The following TGFBI variants were observed in gnomAD, a reference collection of about 807,000 sequenced individuals.
TGFBI encodes the protein transforming growth factor-beta-induced protein ig-h3.
In TGFBI, 50 loss-of-function variants were observed where a neutral mutation model predicts 73.7. The ratio of observed to expected loss-of-function variants is 0.68; its 90% confidence interval spans 0.54 to 0.86. TGFBI has a LOEUF of 0.86. TGFBI is among the 40% of genes least tolerant of loss of function. The probability of loss-of-function intolerance (pLI) is 0.00; values close to 1 mark genes in which losing one functional copy is unlikely to be tolerated. For synonymous variants in TGFBI, 362 were observed against 360.5 expected (o/e 1.00, Z -0.05); for missense variants, 839 against 877.0 (o/e 0.96, Z 0.55).
chr5:136,036,652 G>T (rs919263202), intron 2 of TGFBI, among the ~76,000 whole-genome samples: 2 of 152,214 alleles, frequency 1.3e-5, no homozygotes, highest in African/African-American at 4.8e-5. Context: ...GTGGGAAGGG[G>T]AGAGGACTGT....
intron 5 of TGFBI, 42 bp from the exon 6 acceptor site, chr5:136,047,232 T>C: frequency 6.2e-7 from 1 of 1,609,360 alleles, no homozygotes; most frequent in Non-Finnish European, 8.5e-7. Context: ...GGACTATGCC[T>C]CTGTTGTGTT....
intron 7 of TGFBI, among the ~76,000 whole-genome samples, chr5:136,049,959 G>A (rs1489244630): frequency 1.3e-5 from 2 of 152,232 alleles, no homozygotes; most frequent in African/African-American, 2.4e-5. Flanking sequence ...TGGCACCCTT[G>A]AAATGGATTC....
At chr5:136,030,388 C>T (rs944227287) in intron 1 of TGFBI, among the ~76,000 whole-genome samples, 4 of 152,182 alleles carry the variant, frequency 2.6e-5, no homozygotes, top group East Asian at 1.9e-4. Context: ...CATAGTTGCT[C>T]TTGTTTCCTC....
At chr5:136,047,225 C>A in intron 5 of TGFBI, 49 bp from the exon 6 acceptor site, 1 of 1,605,104 alleles carries the variant, frequency 6.2e-7, no homozygotes, top group Non-Finnish European at 8.5e-7. Flanking sequence ...GGCTTTGGGA[C>A]TATGCCTCTG....
intron 5 of TGFBI, 129 bp from the exon 6 acceptor site, chr5:136,047,145 C>T: frequency 6.6e-7 from 1 of 1,517,618 alleles, no homozygotes; most frequent in South Asian, 1.2e-5. Flanking sequence ...TCTCCTTGGG[C>T]CCTCTATTCC....
In TGFBI at chr5:136,056,759, C is replaced by G; in HGVS notation, c.1642C>G (p.Arg548Gly). ...TVFAPTNEAF[R>G]ALPPRERSRL... ...CTTTGCTCCCACAAATGAAGCCTTC[C>G]GAGCCCTGCCACCAAGAGAACGGAG... is the stretch of plus-strand genomic sequence containing the variant. Residue 548 changes from arginine (R) to glycine (G), a missense_variant, in exon 12 of 17, where the codon CGA (arginine) becomes GGA (glycine). By Grantham distance (125) the Arg-to-Gly change is moderately radical (BLOSUM62 -2). Coordinates refer to ENST00000442011, the MANE Select transcript of TGFBI (RefSeq NM_000358.3). The G allele has an allele frequency of 6.2e-7, 1 of 1,613,860 alleles. No homozygotes were observed. The highest frequency in any genetic ancestry group is 8.5e-7 in the Non-Finnish European group (1 of 1,179,856).
chr5:136,031,442 C>T (rs1388006087), intron 1 of TGFBI, among the ~76,000 whole-genome samples: 2 of 152,218 alleles, frequency 1.3e-5, no homozygotes, highest in African/African-American at 4.8e-5. Flanking sequence ...GCGCAGCACT[C>T]GATTGCCGCT....
In TGFBI at chr5:136,063,411, A is replaced by C. The variant is rs1001093875; in HGVS notation, c.*185A>C. The C allele has an allele frequency of 1.7e-5, 10 of 603,728 alleles. 1 individual carries two copies. The highest frequency in any genetic ancestry group is 2.9e-5 in the Non-Finnish European group (10 of 339,752). 37.4% of individuals were successfully genotyped at this position (603,728 alleles called of 1,614,324 possible). A position where few individuals can be genotyped will look rare whatever the true frequency, so the allele number is the denominator to read the frequency against. On this transcript the variant is annotated 3_prime_UTR_variant, in exon 17 of 17. Transcript: ENST00000442011. ...GGGAGAGAGATGTACTTTTTAAATCATGTTCCCCCTAAACATGGCTGTTAA... is the reference window on the plus strand; with the variant it reads ...GGGAGAGAGATGTACTTTTTAAATCCTGTTCCCCCTAAACATGGCTGTTAA...
In TGFBI at chr5:136,046,406, C is replaced by T. The variant is rs121909210; in HGVS notation, c.370C>T (p.Arg124Cys). 3 of 1,613,794 alleles carry T rather than the reference C, an allele frequency of 1.9e-6. No individual in the cohort carries two copies. Among genetic ancestry groups the T allele is most frequent in the African/African-American group, 1.3e-5 (1 of 74,906 alleles). ...GSTTTQLYTDRTEKLRPEMEG... is the reference protein window; with the variant it reads ...GSTTTQLYTDCTEKLRPEMEG... ...CACCACCACTCAGCTGTACACGGAC[C>T]GCACGGAGAAGCTGAGGCCTGAGAT... Residue 124 changes from arginine (R) to cysteine (C), a missense_variant, in exon 4 of 17, where the codon CGC (arginine) becomes TGC (cysteine). Physicochemically the swap from Arg to Cys is radical, Grantham distance 180 (BLOSUM62 -3). Coordinates refer to ENST00000442011, the MANE Select transcript of TGFBI (RefSeq NM_000358.3).
chr5:136,046,870 T>G lies in TGFBI; in HGVS notation c.479T>G (p.Val160Gly). ...SLPAEVLDSL[V>G]SNVNIELLNA... ...TCCTAGGAAGTGCTGGACTCCCTGG[T>G]CAGCAATGTCAACATTGAGCTGCTC... is the stretch of plus-strand genomic sequence containing the variant. Residue 160 changes from valine to glycine, a missense_variant, in exon 5 of 17, where the codon GTC becomes GGC. Coordinates refer to ENST00000442011, the MANE Select transcript of TGFBI (RefSeq NM_000358.3). The G allele has an allele frequency of 6.2e-7, 1 of 1,613,566 alleles. No individual in the cohort carries two copies. The highest frequency in any genetic ancestry group is 1.3e-5 in the African/African-American group (1 of 75,012).
intron 8 of TGFBI, 66 bp downstream of exon 8, chr5:136,053,185 C>T (rs535096781): frequency 1.9e-4 from 285 of 1,491,450 alleles, no homozygotes; most frequent in South Asian, 1.0e-3. Flanking sequence ...TCCTTTGTGG[C>T]GGGGGAGGGG....
rs940876293 is a variant in TGFBI, at chr5:136,029,040, C to A, written c.-16C>A. Reference sequence around the variant, plus strand: ...CCGTCGGTCGCTAGCTCGCTCGGTGCGCGTCGTCCCGCTCCATGGCGCTCT... The same window carrying A: ...CCGTCGGTCGCTAGCTCGCTCGGTGAGCGTCGTCCCGCTCCATGGCGCTCT... On this transcript the variant is annotated 5_prime_UTR_variant, in exon 1 of 17. Transcript: ENST00000442011. The A allele has an allele frequency of 3.3e-6, 5 of 1,520,432 alleles. No homozygotes were observed. The highest frequency in any genetic ancestry group is 3.5e-6 in the Non-Finnish European group (4 of 1,141,182). 94.2% of individuals were successfully genotyped at this position (1,520,432 alleles called of 1,614,324 possible). A position where few individuals can be genotyped will look rare whatever the true frequency, so the allele number is the denominator to read the frequency against.
chr5:136,061,359 T>C (rs1272082449), intron 14 of TGFBI, 141 bp from the exon 15 acceptor site: 2 of 683,452 alleles, frequency 2.9e-6, no homozygotes, highest in Non-Finnish European at 5.2e-6. Flanking sequence ...AGTTCTACCA[T>C]GAGTTATGAA....
At chr5:136,058,860 G>C in intron 12 of TGFBI, 1 of 459,148 alleles carries the variant, frequency 2.2e-6, no homozygotes, top group Non-Finnish European at 3.8e-6. Context: ...CCAACTGACT[G>C]CTGGGGCAGA....
At chr5:136,050,627 C>T (rs1212994191) in intron 7 of TGFBI, among the ~76,000 whole-genome samples, 4 of 151,858 alleles carry the variant, frequency 2.6e-5, no homozygotes, top group South Asian at 2.1e-4. Context: ...CTCTGATGTA[C>T]CCCACCACAC....
chr5:136,055,690 T>C lies in TGFBI; in HGVS notation c.1421T>C (p.Ile474Thr), dbSNP rs1367912719. 3 of 1,605,598 alleles carry C rather than the reference T, an allele frequency of 1.9e-6. No homozygotes were observed. The highest frequency in any genetic ancestry group is 1.7e-6 in the Non-Finnish European group (2 of 1,173,568). Residue 474 changes from isoleucine to threonine, a missense_variant, in exon 11 of 17, where the codon ATT becomes ACT. Coordinates refer to ENST00000442011, the MANE Select transcript of TGFBI (RefSeq NM_000358.3). ...RVFVYRNSLCIENSCIAAHDK... is the reference protein window; with the variant it reads ...RVFVYRNSLCTENSCIAAHDK... ...CCCTCTTCTGTGCAGAGCCTCTGCA[T>C]TGAGAACAGCTGCATCGCGGCCCAC...
intron 6 of TGFBI, chr5:136,048,045 G>A (rs979438644): frequency 2.0e-5 from 3 of 152,416 alleles, no homozygotes; most frequent in African/African-American, 7.2e-5. Flanking sequence ...GCCCTGTCAG[G>A]GTTTTTGCCT....
intron 1 of TGFBI, among the ~76,000 whole-genome samples, chr5:136,032,626 T>C (rs1398080495): frequency 6.6e-6 from 1 of 152,230 alleles, no homozygotes; most frequent in African/African-American, 2.4e-5. Context: ...TCTCTGAGCT[T>C]GGAGGTCTTG....
At position 136,040,907 on chromosome 5, in the gene TGFBI, C is replaced by T. The variant is rs190273410; in HGVS notation, c.234-3151C>T. ...ATCCAACCACAGCATCTATGTTCTG[C>T]CTGGGACCAGGGCCAGGGAGCATGG... On this transcript the variant is annotated intron_variant, in intron 2 of 16. Transcript: ENST00000442011. Among the ~76,000 whole-genome samples, 48 of 152,314 alleles carry T rather than the reference C, an allele frequency of 3.2e-4. 1 individual carries two copies. Among genetic ancestry groups the T allele is most frequent in the Admixed American group, 2.8e-3 (43 of 15,298 alleles).
Sources: allele counts gnomAD v4.1 joint callset (sites outside exome capture counted in the v4.1 genomes callset), GRCh38; gene constraint gnomAD v4.1.1; transcripts MANE v1.5; gene names NCBI Gene and HGNC (gene_info 2026-07-23, HGNC 2026-07-21).